Variants in COL4A2 observed in about 807,000 individuals in gnomAD.
COL4A2 encodes the protein collagen alpha-2(IV) chain.
Under a neutral mutation model 200.2 loss-of-function variants are expected in COL4A2, and 99 were observed. That is an observed-to-expected ratio of 0.49 (90% CI 0.42 to 0.58). COL4A2 has a LOEUF of 0.58. COL4A2 is among the 20% of genes least tolerant of loss of function. The pLI, the probability that COL4A2 is intolerant of heterozygous loss-of-function variation, is 0.00. For missense variants in COL4A2, 1,950 were observed against 2,314.1 expected (o/e 0.84, Z 3.23); for synonymous variants, 897 against 900.6 (o/e 1.00, Z 0.07).
chr13:110,448,011 T>A (rs1881395185), intron 18 of COL4A2, among the ~76,000 whole-genome samples: 1 of 152,198 alleles, frequency 6.6e-6, no homozygotes, highest in East Asian at 1.9e-4. Flanking sequence ...CTGAGATGTC[T>A]GTCTGGGGAG....
At chr13:110,498,004 G>A (rs904610711) in intron 40 of COL4A2, among the ~76,000 whole-genome samples, 10 of 151,336 alleles carry the variant, frequency 6.6e-5, no homozygotes, top group Admixed American at 5.9e-4. Flanking sequence ...TCAGTCAGGG[G>A]TGAGGATCTG....
intron 4 of COL4A2, among the ~76,000 whole-genome samples, chr13:110,369,590 A>G (rs1256495253): frequency 6.6e-6 from 1 of 152,216 alleles, no homozygotes; most frequent in Non-Finnish European, 1.5e-5. Flanking sequence ...TCCAGCCAGA[A>G]TGCCCATCGG....
intron 4 of COL4A2, among the ~76,000 whole-genome samples, chr13:110,372,900 G>A (rs1412076455): frequency 2.0e-5 from 3 of 152,174 alleles, no homozygotes; most frequent in Admixed American, 1.3e-4. Context: ...TGTCATGGAA[G>A]GTCATTGTTC....
At chr13:110,498,987 T>G (rs1034607419) in intron 40 of COL4A2, among the ~76,000 whole-genome samples, 6 of 152,196 alleles carry the variant, frequency 3.9e-5, no homozygotes, top group African/African-American at 1.4e-4. Flanking sequence ...TCAGAGCAGG[T>G]CCTGGAGGCC....
At chr13:110,392,846 G>A (rs745476080) in intron 4 of COL4A2, among the ~76,000 whole-genome samples, 55 of 152,196 alleles carry the variant, frequency 3.6e-4, no homozygotes, top group Non-Finnish European at 1.5e-4. Flanking sequence ...AGACAATTTA[G>A]GACCAAGAAA....
At chr13:110,330,712 C>G (rs568904155) in intron 3 of COL4A2, among the ~76,000 whole-genome samples, 1 of 152,272 alleles carries the variant, frequency 6.6e-6, no homozygotes, top group East Asian at 1.9e-4. Context: ...GCTGTATCTA[C>G]ATGCAGCAGG....
Position 110,347,909 on chromosome 13 carries a change from G to A in COL4A2, c.100-9563G>A, listed in dbSNP as rs74399250. ...TGCCGATGACTCAGGGGAGGGCACC[G>A]AACGTCATGCCTCCTGGTTATGTCT... is the stretch of plus-strand genomic sequence containing the variant. On this transcript the variant is annotated intron_variant, in intron 3 of 47. Transcript: ENST00000360467. 6.4e-3 allele frequency among the ~76,000 whole-genome samples: 974 copies of A among 152,336 alleles called. 5 individuals are homozygous for A. The highest frequency in any genetic ancestry group is 0.02 in the African/African-American group (840 of 41,578).
intron 47 of COL4A2, among the ~76,000 whole-genome samples, chr13:110,511,025 A>G (rs1884065736): frequency 6.6e-6 from 1 of 152,166 alleles, no homozygotes; most frequent in Non-Finnish European, 1.5e-5. Context: ...CCCTGCCCAA[A>G]TATATCATAG....
intron 3 of COL4A2, among the ~76,000 whole-genome samples, chr13:110,313,877 G>A (rs1405560900): frequency 6.6e-6 from 1 of 152,050 alleles, no homozygotes. Context: ...TCCTACCTCG[G>A]TGCTGGGTTC....
intron 4 of COL4A2, among the ~76,000 whole-genome samples, chr13:110,409,558 A>G (rs1197237369): frequency 2.6e-5 from 4 of 152,244 alleles, no homozygotes; most frequent in Non-Finnish European, 5.9e-5. Flanking sequence ...GAAAACTGCT[A>G]TTGATTTCTC....
intron 8 of COL4A2, chr13:110,430,193 T>C (rs1181876012): frequency 4.5e-6 from 3 of 661,328 alleles, no homozygotes; most frequent in Middle Eastern, 4.6e-4. Context: ...TTAGTACTTG[T>C]AGTTAATATT....
At chr13:110,346,968 C>T (rs963983133) in intron 3 of COL4A2, among the ~76,000 whole-genome samples, 11 of 152,228 alleles carry the variant, frequency 7.2e-5, no homozygotes, top group Admixed American at 1.3e-4. Flanking sequence ...CTGCCAAGTG[C>T]GAACACCTGG....
chr13:110,332,043 A>C (rs1486861249), intron 3 of COL4A2, among the ~76,000 whole-genome samples: 1 of 152,218 alleles, frequency 6.6e-6, no homozygotes, highest in African/African-American at 2.4e-5. Context: ...CTCATTCATT[A>C]ATTCTAAATT....
chr13:110,356,809 C>T (rs1877289390), intron 3 of COL4A2, among the ~76,000 whole-genome samples: 2 of 151,040 alleles, frequency 1.3e-5, no homozygotes, highest in Non-Finnish European at 2.9e-5. Context: ...CTCTGTGGCC[C>T]AGGCTGGAGT....
At chr13:110,405,974 C>T (rs887139948) in intron 4 of COL4A2, among the ~76,000 whole-genome samples, 7 of 152,176 alleles carry the variant, frequency 4.6e-5, no homozygotes, top group African/African-American at 1.4e-4. Flanking sequence ...TGATGAATCC[C>T]GATCGGGGGA....
chr13:110,358,926 G>A (rs954162226), intron 4 of COL4A2, among the ~76,000 whole-genome samples: 2 of 152,044 alleles, frequency 1.3e-5, no homozygotes, highest in African/African-American at 4.8e-5. Flanking sequence ...TTCATTATAA[G>A]TACGTACGTG....
At chr13:110,330,415 C>T (rs907405099) in intron 3 of COL4A2, among the ~76,000 whole-genome samples, 1 of 152,088 alleles carries the variant, frequency 6.6e-6, no homozygotes. Context: ...GGCGGGGGGG[C>T]AGCCCCAACT....
chr13:110,480,107 A>G, intron 30 of COL4A2, 113 bp from the exon 31 acceptor site: 1 of 1,204,304 alleles, frequency 8.3e-7, no homozygotes, highest in African/African-American at 1.5e-5. Flanking sequence ...GTGGTTTTCC[A>G]CTTTCCTTCT....
intron 27 of COL4A2, chr13:110,468,476 AG>A: frequency 2.7e-6 from 1 of 374,166 alleles, no homozygotes; most frequent in South Asian, 2.0e-5. Flanking sequence ...TCTCCGGGAA[AG>A]CTCCAGTGAT....
Sources: gnomAD v4.1 joint callset for allele counts (sites outside exome capture counted in the v4.1 genomes callset) on GRCh38, gnomAD v4.1.1 for gene constraint, MANE v1.5 for transcripts, NCBI Gene and HGNC (gene_info 2026-07-23, HGNC 2026-07-21) for gene names.